Variants in NEK6 observed in about 807,000 individuals in gnomAD.
NEK6 encodes the protein serine/threonine-protein kinase Nek6.
In NEK6, 27 loss-of-function variants were observed where a neutral mutation model predicts 43.5. The observed-to-expected ratio is 0.62, with a 90% CI of 0.46 to 0.86. NEK6 has a LOEUF of 0.86. Among genes scored for constraint, NEK6 ranks in the 40% least tolerant of loss-of-function variants. NEK6 has a pLI of 0.00. For synonymous variants in NEK6, 167 were observed against 164.1 expected, an observed-to-expected ratio of 1.02 and a Z score of -0.14; for missense variants, 318 against 414.4, an observed-to-expected ratio of 0.77 and a Z score of 2.02.
intron 1 of NEK6, among the ~76,000 whole-genome samples, chr9:124,297,467 G>A (rs1035866039): frequency 7.2e-5 from 11 of 152,164 alleles, no homozygotes; most frequent in Non-Finnish European, 1.5e-4. Flanking sequence ...CCAGCTCCCC[G>A]CCAGCCTCAC....
At chr9:124,280,480 C>T (rs976692687) in intron 1 of NEK6, among the ~76,000 whole-genome samples, 13 of 152,236 alleles carry the variant, frequency 8.5e-5, no homozygotes, top group Admixed American at 4.6e-4. Context: ...ATGGCAGCAG[C>T]GCCTGGAGTT....
At chr9:124,345,752 T>C (rs1046063677) in intron 8 of NEK6, among the ~76,000 whole-genome samples, 6 of 152,204 alleles carry the variant, frequency 3.9e-5, no homozygotes, top group Admixed American at 3.9e-4. Flanking sequence ...ATCCTCCAGC[T>C]GCAACTCGGG....
chr9:124,322,215 C>T (rs767556399), intron 5 of NEK6, among the ~76,000 whole-genome samples: 1 of 152,188 alleles, frequency 6.6e-6, no homozygotes, highest in African/African-American at 2.4e-5. Context: ...AACTTCATTT[C>T]CATGTTAGGG....
chr9:124,321,159 G>A (rs890071623), intron 4 of NEK6, among the ~76,000 whole-genome samples: 13 of 152,304 alleles, frequency 8.5e-5, no homozygotes, highest in African/African-American at 1.4e-4. Flanking sequence ...AGCTCTGTGC[G>A]GCTGCCCTGT....
At position 124,312,662 on chromosome 9, in the gene NEK6, C is replaced by G; in HGVS notation, c.231+13C>G. The G allele has an allele frequency of 6.2e-7, 1 of 1,607,914 alleles. No homozygotes were observed. The highest frequency in any genetic ancestry group is 1.7e-5 in the Admixed American group (1 of 59,834). Reference sequence around the variant, plus strand: ...GAAGAAGGTGCAGGTGAGCTGACAACCCGTGGGGTCAAACCTGCATCTCGG... The same window carrying G: ...GAAGAAGGTGCAGGTGAGCTGACAAGCCGTGGGGTCAAACCTGCATCTCGG... On this transcript the variant is annotated intron_variant, in intron 3 of 9. Transcript: ENST00000320246.
At chr9:124,268,357 C>T (rs1017444693) in intron 1 of NEK6, among the ~76,000 whole-genome samples, 1 of 152,170 alleles carries the variant, frequency 6.6e-6, no homozygotes. Context: ...TGTACCTGGC[C>T]TGGTGCTGGG....
At chr9:124,347,117 G>A (rs1482830189) in intron 8 of NEK6, among the ~76,000 whole-genome samples, 1 of 152,230 alleles carries the variant, frequency 6.6e-6, no homozygotes, top group African/African-American at 2.4e-5. Context: ...TCCAGGGGCA[G>A]GAGGCTGCCT....
At chr9:124,332,990 G>A (rs1349959472) in intron 7 of NEK6, among the ~76,000 whole-genome samples, 1 of 152,112 alleles carries the variant, frequency 6.6e-6, no homozygotes, top group Non-Finnish European at 1.5e-5. Flanking sequence ...TCTCGGCATC[G>A]CCGGGAGATG....
At position 124,332,190 on chromosome 9, in the gene NEK6, C is replaced by T. The variant is rs188823728; in HGVS notation, c.622+4745C>T. ...TGGTTCATTCATTCGTTCATCCATT[C>T]GACAAGGATCTGTGCTGGGCCTGGG... On this transcript the variant is annotated intron_variant, in intron 7 of 9. Coordinates refer to ENST00000320246, the MANE Select transcript of NEK6 (RefSeq NM_014397.6). Among the ~76,000 whole-genome samples the T allele has an allele frequency of 1.6e-3, 245 of 152,386 alleles. 2 individuals are homozygous for T. Among genetic ancestry groups the T allele is most frequent in the Middle Eastern group, 6.8e-3 (2 of 294 alleles).
chr9:124,297,066 G>A (rs1832729521), intron 1 of NEK6, among the ~76,000 whole-genome samples: 1 of 152,246 alleles, frequency 6.6e-6, no homozygotes, highest in Non-Finnish European at 1.5e-5. Context: ...GGCTCACGTA[G>A]ATGATGAAGA....
chr9:124,307,728 C>T (rs1193548674), intron 2 of NEK6, among the ~76,000 whole-genome samples: 1 of 152,208 alleles, frequency 6.6e-6, no homozygotes, highest in Admixed American at 6.5e-5. Context: ...AGGCTGAGGG[C>T]AGCTCTTGCC....
At chr9:124,319,309 G>T (rs4836972) in intron 4 of NEK6, among the ~76,000 whole-genome samples, 63,467 of 140,080 alleles carry the variant, frequency 0.45, 13,443 homozygotes, top group East Asian at 0.61. Context: ...TTAATGTTTT[G>T]TTTTTTTTTA....
chr9:124,261,693 T>TGAGGACCTG (rs1218816116), intron 1 of NEK6: 1 of 665,380 alleles, frequency 1.5e-6, no homozygotes, highest in African/African-American at 2.0e-5. Flanking sequence ...ATGTTGTGTG[T>TGAGGACCTG]GAGGACCTGT....
At chr9:124,338,124 G>A (rs1448266438) in intron 7 of NEK6, among the ~76,000 whole-genome samples, 1 of 152,180 alleles carries the variant, frequency 6.6e-6, no homozygotes. Flanking sequence ...GGGATGACAG[G>A]TGTGTACCAC....
intron 1 of NEK6, among the ~76,000 whole-genome samples, chr9:124,294,315 A>G (rs1233109476): frequency 6.6e-6 from 1 of 152,160 alleles, no homozygotes; most frequent in Non-Finnish European, 1.5e-5. Flanking sequence ...TGGGCGTGGT[A>G]GTCCTTCCAG....
At chr9:124,334,459 A>C (rs566505352) in intron 7 of NEK6, among the ~76,000 whole-genome samples, 1 of 152,248 alleles carries the variant, frequency 6.6e-6, no homozygotes, top group Non-Finnish European at 1.5e-5. Context: ...GTGAGGTGGC[A>C]GAGGAATGAG....
chr9:124,285,607 A>G (rs1223954173), intron 1 of NEK6, among the ~76,000 whole-genome samples: 3 of 152,122 alleles, frequency 2.0e-5, no homozygotes, highest in Non-Finnish European at 1.5e-5. Context: ...GCAACAGCCG[A>G]GATTGAGGAG....
At chr9:124,278,651 T>C (rs1831752364) in intron 1 of NEK6, among the ~76,000 whole-genome samples, 1 of 152,130 alleles carries the variant, frequency 6.6e-6, no homozygotes. Context: ...CAGAATATTT[T>C]TAGGTTGAAT....
intron 2 of NEK6, among the ~76,000 whole-genome samples, chr9:124,304,657 C>T (rs554417978): frequency 6.6e-6 from 1 of 152,164 alleles, no homozygotes; most frequent in African/African-American, 2.4e-5. Flanking sequence ...TGGATAATAC[C>T]CCCAGTGTAG....
Sources: gnomAD v4.1 joint callset for allele counts (sites outside exome capture counted in the v4.1 genomes callset) on GRCh38, gnomAD v4.1.1 for gene constraint, MANE v1.5 for transcripts, NCBI Gene and HGNC (gene_info 2026-07-23, HGNC 2026-07-21) for gene names.